Variants in ATP6V0A2 observed in about 807,000 individuals in gnomAD.
The protein encoded by ATP6V0A2 is V-type proton ATPase 116 kDa subunit a 2.
Under a neutral mutation model 104.4 loss-of-function variants are expected in ATP6V0A2, and 58 were observed. The observed-to-expected ratio is 0.56, with a 90% CI of 0.45 to 0.69. The LOEUF (loss-of-function observed/expected upper bound fraction) is 0.69, where lower values mean the gene tolerates loss of function less well. Ranked by LOEUF, ATP6V0A2 falls within the 30% of genes least tolerant of loss-of-function variation. The pLI, the probability that ATP6V0A2 is intolerant of heterozygous loss-of-function variation, is 0.00. For missense variants in ATP6V0A2, 938 were observed against 1,062.9 expected (o/e 0.88, Z 1.63); for synonymous variants, 376 against 397.9 (o/e 0.95, Z 0.65).
At chr12:123,736,374 A>G (rs933587552) in intron 8 of ATP6V0A2, among the ~76,000 whole-genome samples, 1 of 151,198 alleles carries the variant, frequency 6.6e-6, no homozygotes, top group Non-Finnish European at 1.5e-5. Flanking sequence ...TTGTATTTTT[A>G]GTAGAGACGG....
At chr12:123,727,689 CACTTGGTAGAAATG>C in intron 5 of ATP6V0A2, 80 bp from the exon 6 acceptor site, 1 of 1,509,438 alleles carries the variant, frequency 6.6e-7, no homozygotes, top group Non-Finnish European at 9.2e-7. Context: ...ATGTCTTCAC[CACTTGGTAGAAATG>C]AAGTCTTCAT....
Position 123,724,736 on chromosome 12 carries a change from T to TAG in ATP6V0A2, c.380_381dup (p.Tyr128SerfsTer6), listed in dbSNP as rs1266412544. On this transcript the variant is annotated frameshift_variant, in exon 4 of 20. Coordinates refer to ENST00000330342, the MANE Select transcript of ATP6V0A2 (RefSeq NM_012463.4). LOFTEE classifies it high-confidence loss of function. ...CTGAGGAAAAACTTGCTGGAACTGA[T>TAG]AGAGTACACTCACATGCTGAGAGTG... is the stretch of plus-strand genomic sequence containing the variant. 6.2e-7 allele frequency: 1 copy of TAG among 1,613,680 alleles called. No individual in the cohort carries two copies. The highest frequency in any genetic ancestry group is 2.2e-5 in the East Asian group (1 of 44,820).
chr12:123,754,196 G>A (rs1306877605), intron 17 of ATP6V0A2: 2 of 607,260 alleles, frequency 3.3e-6, no homozygotes, highest in Non-Finnish European at 5.9e-6. Flanking sequence ...TGGGGCTGAT[G>A]AAGGTGGGGA....
intron 2 of ATP6V0A2, chr12:123,721,317 C>T (rs1409319392): frequency 5.4e-6 from 1 of 185,006 alleles, no homozygotes; most frequent in Non-Finnish European, 1.2e-5. Flanking sequence ...ATCTTGGCCT[C>T]CCACTGGGCC....
At chr12:123,722,718 A>G (rs1001848888) in intron 3 of ATP6V0A2, among the ~76,000 whole-genome samples, 2 of 152,298 alleles carry the variant, frequency 1.3e-5, no homozygotes, top group Admixed American at 1.3e-4. Context: ...AACAAGAATC[A>G]GGCCATCAAG....
chr12:123,747,758 T>C, intron 14 of ATP6V0A2, 33 bp downstream of exon 14: 1 of 1,411,252 alleles, frequency 7.1e-7, no homozygotes. Context: ...GCAATATTTA[T>C]AAACCAAACT....
At position 123,759,123 on chromosome 12, in the gene ATP6V0A2, C is replaced by G. The variant is rs988896948; in HGVS notation, c.*1091C>G. The stretch of plus-strand genomic sequence containing the variant: ...GACAGCTTGGCTGATGTCACTGAAC[C>G]AGAAGGGTTTATACTGAGTGAAGGA... On this transcript the variant is annotated 3_prime_UTR_variant, in exon 20 of 20. Coordinates refer to ENST00000330342, the MANE Select transcript of ATP6V0A2 (RefSeq NM_012463.4). 1 of 152,558 alleles carries G rather than the reference C, an allele frequency of 6.6e-6. No individual in the cohort carries two copies. Among genetic ancestry groups the G allele is most frequent in the African/African-American group, 2.4e-5 (1 of 41,428 alleles). 9.5% of individuals were successfully genotyped at this position (152,558 alleles called of 1,614,324 possible).
intron 16 of ATP6V0A2, among the ~76,000 whole-genome samples, chr12:123,751,595 A>G (rs1336238179): frequency 1.3e-5 from 2 of 152,154 alleles, no homozygotes; most frequent in Non-Finnish European, 2.9e-5. Context: ...CAGAGGTTGC[A>G]GTGAGTTGTG....
chr12:123,748,882 C>T, intron 15 of ATP6V0A2, 97 bp downstream of exon 15: 1 of 1,193,042 alleles, frequency 8.4e-7, no homozygotes, highest in Non-Finnish European at 1.2e-6. Flanking sequence ...CCACAGGAGC[C>T]TGGGAAGGCT....
chr12:123,751,975 C>T lies in ATP6V0A2; in HGVS notation c.2056-308C>T, dbSNP rs569841464. ...CTCCGGGTTCAAGCAATTCTCTTGCCTCAGCCCTCAAATAGGGGGACTACA... is the reference window on the plus strand; with the variant it reads ...CTCCGGGTTCAAGCAATTCTCTTGCTTCAGCCCTCAAATAGGGGGACTACA... On this transcript the variant is annotated intron_variant, in intron 16 of 19. Coordinates refer to ENST00000330342, the MANE Select transcript of ATP6V0A2 (RefSeq NM_012463.4). Among the ~76,000 whole-genome samples the T allele has an allele frequency of 1.9e-3, 293 of 151,642 alleles. 3 individuals are homozygous for T. The highest frequency in any genetic ancestry group is 6.9e-3 in the African/African-American group (285 of 41,368).
chr12:123,735,142 C>CGTGTGTGT (rs56266144), intron 7 of ATP6V0A2, among the ~76,000 whole-genome samples: 14,430 of 148,402 alleles, frequency 0.097, 762 homozygotes, highest in Admixed American at 0.13. Flanking sequence ...CTTTTGTTTT[C>CGTGTGTGT]GTGTGTGTGT....
Position 123,757,910 on chromosome 12 carries a change from GC to G in ATP6V0A2, c.2466-16del. The G allele has an allele frequency of 7.7e-7, 1 of 1,300,024 alleles. No homozygotes were observed. The highest frequency in any genetic ancestry group is 1.1e-6 in the Non-Finnish European group (1 of 911,560). The allele number at this position is 1,300,024 out of a possible 1,614,324, so 80.5% of individuals were successfully genotyped here. ...TTTCATAATCTTCCATTAATACATG[GC>G]TTTTTTTTTTTTTAGGGTAGAATTT... On this transcript the variant is annotated splice_polypyrimidine_tract_variant and intron_variant, in intron 19 of 19. Coordinates refer to ENST00000330342, the MANE Select transcript of ATP6V0A2 (RefSeq NM_012463.4).
chr12:123,746,572 A>G (rs1593913121), intron 13 of ATP6V0A2, among the ~76,000 whole-genome samples: 1 of 149,358 alleles, frequency 6.7e-6, no homozygotes, highest in African/African-American at 2.5e-5. Flanking sequence ...AGCCAGGTCA[A>G]GGCTGCAGTG....
At chr12:123,713,094 A>G (rs1247298847) in intron 1 of ATP6V0A2, among the ~76,000 whole-genome samples, 1 of 152,094 alleles carries the variant, frequency 6.6e-6, no homozygotes, top group Non-Finnish European at 1.5e-5. Context: ...TGTGAAGGTG[A>G]TTCGGGCGGG....
chr12:123,741,388 T>C (rs1238023054), intron 9 of ATP6V0A2, among the ~76,000 whole-genome samples: 1 of 151,656 alleles, frequency 6.6e-6, no homozygotes, highest in South Asian at 2.1e-4. Flanking sequence ...GAGGCGGAGG[T>C]TTAAAAAAAA....
rs56862679 is a variant in ATP6V0A2 at position 123,757,044 on chromosome 12, T to C, written c.2465+58T>C. On this transcript the variant is annotated intron_variant, in intron 19 of 19. Transcript: ENST00000330342. The stretch of plus-strand genomic sequence containing the variant: ...TTAAAAAACATACCCGCCCCCCCAC[T>C]GCCCCGCCCAACCAAATATACACAG... 0.042 allele frequency: 65,620 copies of C among 1,548,678 alleles called. 5,440 individuals are homozygous for C. The highest frequency in any genetic ancestry group is 0.35 in the African/African-American group (25,755 of 73,374).
At chr12:123,735,063 G>A (rs1198903876) in intron 7 of ATP6V0A2, among the ~76,000 whole-genome samples, 1 of 152,084 alleles carries the variant, frequency 6.6e-6, no homozygotes, top group African/African-American at 2.4e-5. Flanking sequence ...CAGTCTGGGT[G>A]CCGAGTGGCT....
intron 6 of ATP6V0A2, 40 bp downstream of exon 6, chr12:123,727,949 TA>T (rs747347645): frequency 1.2e-6 from 2 of 1,613,716 alleles, no homozygotes; most frequent in Admixed American, 3.3e-5. Context: ...AATGACGGAC[TA>T]ACAGCAGAGT....
intron 7 of ATP6V0A2, 125 bp downstream of exon 7, chr12:123,734,133 G>A: frequency 1.4e-6 from 1 of 699,466 alleles, no homozygotes; most frequent in Non-Finnish European, 2.5e-6. Context: ...ATTCTTTGCT[G>A]CACTGCCAAG....
Sources: allele counts gnomAD v4.1 joint callset (sites outside exome capture counted in the v4.1 genomes callset), GRCh38; gene constraint gnomAD v4.1.1; transcripts MANE v1.5; gene names NCBI Gene and HGNC (gene_info 2026-07-23, HGNC 2026-07-21).